EFCAB11: variants seen among roughly 807,000 people sequenced by gnomAD.
The protein encoded by EFCAB11 is EF-hand calcium binding domain 11.
A neutral mutation model predicts 23.0 loss-of-function variants in EFCAB11; 14 were observed. The ratio of observed to expected loss-of-function variants is 0.61; its 90% CI spans 0.40 to 0.95. The LOEUF is 0.95. Ranked by LOEUF, EFCAB11 falls within the 40% of genes least tolerant of loss-of-function variation. EFCAB11 has a pLI of 0.00. For missense variants in EFCAB11, 198 were observed against 195.8 expected (o/e 1.01, Z -0.07); for synonymous variants, 65 against 66.6 (o/e 0.98, Z 0.11).
In EFCAB11 at chr14:89,954,016, A is replaced by C. The variant is rs1285824352; in HGVS notation, c.76-15T>G. The C allele has an allele frequency of 6.3e-7, 1 of 1,589,514 alleles. No individual in the cohort carries two copies. Among genetic ancestry groups the C allele is most frequent in the Admixed American group, 1.7e-5 (1 of 59,720 alleles). ...GCTTTAAATACCTGAAGAACATTAA[A>C]TAGCTTTAGTTAATGAGACAGAAAT... On this transcript the variant is annotated splice_polypyrimidine_tract_variant and intron_variant, in intron 1 of 5. Coordinates refer to ENST00000316738, the MANE Select transcript of EFCAB11 (RefSeq NM_145231.4).
intron 5 of EFCAB11, among the ~76,000 whole-genome samples, chr14:89,852,412 C>G (rs184735909): frequency 6.6e-6 from 1 of 152,144 alleles, no homozygotes; most frequent in Non-Finnish European, 1.5e-5. Context: ...CTGAGACTCA[C>G]GCTCAGCCAA....
intron 5 of EFCAB11, among the ~76,000 whole-genome samples, chr14:89,845,611 C>T (rs141183647): frequency 4.6e-5 from 7 of 152,300 alleles, no homozygotes; most frequent in African/African-American, 1.7e-4. Context: ...CATTCTTCAG[C>T]TCTCTTGTAA....
At chr14:89,874,808 C>T (rs1355864235) in intron 5 of EFCAB11, among the ~76,000 whole-genome samples, 6 of 151,776 alleles carry the variant, frequency 4.0e-5, no homozygotes, top group East Asian at 1.9e-4. Context: ...AAGAGAATGG[C>T]GTGGATCTGG....
At chr14:89,900,630 A>C (rs975141920) in intron 5 of EFCAB11, among the ~76,000 whole-genome samples, 9 of 152,184 alleles carry the variant, frequency 5.9e-5, no homozygotes, top group Non-Finnish European at 8.8e-5. Context: ...CCATGCCTGG[A>C]GATAGATACT....
rs966285856 is a variant in EFCAB11, at chr14:89,914,284, C to T, written c.410+17257G>A. On this transcript the variant is annotated intron_variant, in intron 5 of 5. Transcript: ENST00000316738. ...CCAAGGAGGGACTCCGGTCCTAAGG[C>T]CCTGGCTAAGAGCATGGGATGTGGT... Among the ~76,000 whole-genome samples, 19 of 152,270 alleles carry T rather than the reference C, an allele frequency of 1.2e-4. 1 individual carries two copies. The highest frequency in any genetic ancestry group is 3.4e-3 in the Middle Eastern group (1 of 294).
At chr14:89,907,156 C>T (rs900558932) in intron 5 of EFCAB11, among the ~76,000 whole-genome samples, 53 of 152,294 alleles carry the variant, frequency 3.5e-4, no homozygotes, top group Non-Finnish European at 5.4e-4. Context: ...AACTGACCAA[C>T]AGCCCCTGCA....
intron 5 of EFCAB11, among the ~76,000 whole-genome samples, chr14:89,837,428 C>G (rs1316397377): frequency 6.6e-6 from 1 of 152,102 alleles, no homozygotes; most frequent in Non-Finnish European, 1.5e-5. Context: ...ACCAGGCAGC[C>G]CTTCTCAATA....
rs1890083813 is a variant in EFCAB11 at position 89,923,429 on chromosome 14, A to G, written c.410+8112T>C. On this transcript the variant is annotated intron_variant, in intron 5 of 5. Transcript: ENST00000316738. ...GTGCAACAGGACAATCAGAAAAGGG[A>G]ATCTCTGACAATATAATTTTGAAAC... 7 of 153,100 alleles carry G rather than the reference A, an allele frequency of 4.6e-5. No individual in the cohort carries two copies. The Admixed American group carries it at 4.6e-4, about 10-fold the overall frequency. The allele number at this position is 153,100 out of a possible 1,614,324, so 9.5% of individuals were successfully genotyped here.
intron 5 of EFCAB11, among the ~76,000 whole-genome samples, chr14:89,837,802 A>AATATGAATC: frequency 6.6e-6 from 1 of 152,290 alleles, no homozygotes; most frequent in East Asian, 1.9e-4. Flanking sequence ...AAGGGAAAAG[A>AATATGAATC]ATATGAATCC....
intron 5 of EFCAB11, among the ~76,000 whole-genome samples, chr14:89,865,124 C>T (rs769483561): frequency 2.4e-4 from 37 of 152,168 alleles, no homozygotes; most frequent in Non-Finnish European, 5.0e-4. Context: ...TGGTGGGAGT[C>T]AGTCCAAGAT....
intron 3 of EFCAB11, among the ~76,000 whole-genome samples, chr14:89,949,141 T>C (rs1449561300): frequency 6.6e-6 from 1 of 152,086 alleles, no homozygotes; most frequent in Non-Finnish European, 1.5e-5. Flanking sequence ...AACTGGACTG[T>C]TTGTAACACA....
chr14:89,816,172 A>G (rs1886332503), intron 5 of EFCAB11, among the ~76,000 whole-genome samples: 5 of 152,046 alleles, frequency 3.3e-5, no homozygotes. Context: ...TGCTTCCTTG[A>G]TTTCCTTTCA....
intron 5 of EFCAB11, among the ~76,000 whole-genome samples, chr14:89,851,902 G>C (rs1279475125): frequency 9.2e-5 from 14 of 152,184 alleles, no homozygotes; most frequent in Non-Finnish European, 1.5e-4. Context: ...AGGTCATAGG[G>C]CACGAAAGGA....
At chr14:89,868,443 T>G (rs887026523) in intron 5 of EFCAB11, among the ~76,000 whole-genome samples, 1 of 152,220 alleles carries the variant, frequency 6.6e-6, no homozygotes, top group East Asian at 1.9e-4. Flanking sequence ...CAATTTTGTA[T>G]GAAATTCCAT....
intron 5 of EFCAB11, among the ~76,000 whole-genome samples, chr14:89,818,581 A>C (rs1416057352): frequency 6.6e-6 from 1 of 152,242 alleles, no homozygotes; most frequent in Non-Finnish European, 1.5e-5. Context: ...CTCTTCAACA[A>C]ACACAGGTAA....
Position 89,797,316 on chromosome 14 carries a change from T to A in EFCAB11, c.419A>T (p.Asp140Val), listed in dbSNP as rs1182507936. 2 of 1,612,946 alleles carry A rather than the reference T, an allele frequency of 1.2e-6. No homozygotes were observed. The highest frequency in any genetic ancestry group is 3.3e-5 in the Admixed American group (2 of 59,988). The change falls in exon 6 of 6, where the codon GAT becomes GTT. Residue 140 changes from aspartate (D) to valine (V), a missense_variant. Coordinates refer to ENST00000316738, the MANE Select transcript of EFCAB11 (RefSeq NM_145231.4). ...GCTGACGTGACCATCTGAATCTCGATCTACTTCCCTGGAAAATGAAACAAA... is the reference window on the plus strand; with the variant it reads ...GCTGACGTGACCATCTGAATCTCGAACTACTTCCCTGGAAAATGAAACAAA... ...RTVLEVFREV[D>V]RDSDGHVSFR...
rs1450004904 is a variant in EFCAB11, at chr14:89,954,619, T to C, written c.42A>G (p.Glu14=). 1 of 1,613,754 alleles carries C rather than the reference T, an allele frequency of 6.2e-7. No homozygotes were observed. The highest frequency in any genetic ancestry group is 8.5e-7 in the Non-Finnish European group (1 of 1,179,984). Residue 14 remains glutamate, a synonymous_variant, in exon 1 of 6, where the codon GAA becomes GAG. Transcript: ENST00000316738. The stretch of plus-strand genomic sequence containing the variant: ...ACTTCCTGTGTTCCGAGGGACTGGC[T>C]TCCCACGTCCGCGACCTGGCTCTGG... The part of the protein sequence containing the change: ...SEARARSRTW[E]ASPSEHRKWV...
intron 5 of EFCAB11, among the ~76,000 whole-genome samples, chr14:89,916,145 A>C (rs1028144589): frequency 8.9e-5 from 13 of 145,512 alleles, no homozygotes; most frequent in African/African-American, 3.6e-4. Context: ...TTTTCTAGGG[A>C]GAATGGCTCA....
At chr14:89,926,062 C>T (rs886415411) in intron 5 of EFCAB11, among the ~76,000 whole-genome samples, 7 of 152,066 alleles carry the variant, frequency 4.6e-5, no homozygotes, top group African/African-American at 1.2e-4. Flanking sequence ...GTGACCCACT[C>T]GTCTCGGCCT....
Sources: gnomAD v4.1 joint callset for allele counts (sites outside exome capture counted in the v4.1 genomes callset) on GRCh38, gnomAD v4.1.1 for gene constraint, MANE v1.5 for transcripts, NCBI Gene and HGNC (gene_info 2026-07-23, HGNC 2026-07-21) for gene names.